Variants in SSBP2 observed in about 807,000 individuals in gnomAD.
The protein encoded by SSBP2 is single-stranded DNA-binding protein 2.
In SSBP2, 17 loss-of-function variants were observed where a neutral mutation model predicts 61.8. That is an observed-to-expected ratio of 0.28 (90% CI 0.19 to 0.41). The LOEUF is 0.41. Among genes scored for constraint, SSBP2 ranks in the 10% least tolerant of loss-of-function variants. The pLI, the probability that SSBP2 is intolerant of heterozygous loss-of-function variation, is 1.00. For missense variants in SSBP2, 310 were observed against 458.7 expected (o/e 0.68, Z 2.96); for synonymous variants, 139 against 141.3 (o/e 0.98, Z 0.12).
intron 1 of SSBP2, among the ~76,000 whole-genome samples, chr5:81,718,075 A>AT (rs34785911): frequency 0.045 from 6,803 of 152,178 alleles, 201 homozygotes; most frequent in East Asian, 0.12. Context: ...TATTTATAAG[A>AT]TTTTTTCTTC....
chr5:81,654,824 TC>T (rs1276008421), intron 1 of SSBP2, among the ~76,000 whole-genome samples: 1 of 151,872 alleles, frequency 6.6e-6, no homozygotes, highest in Admixed American at 6.6e-5. Context: ...TAACGTGAGA[TC>T]ACCAAACAGA....
chr5:81,729,644 G>A (rs886177016), intron 1 of SSBP2, among the ~76,000 whole-genome samples: 1 of 152,000 alleles, frequency 6.6e-6, no homozygotes, highest in Non-Finnish European at 1.5e-5. Flanking sequence ...ATGAGTATTA[G>A]GTTGTGATTC....
chr5:81,500,769 T>C (rs1767647244), intron 5 of SSBP2, among the ~76,000 whole-genome samples: 1 of 152,092 alleles, frequency 6.6e-6, no homozygotes, highest in Non-Finnish European at 1.5e-5. Flanking sequence ...CAGATTTTCA[T>C]ATTTTATAGA....
chr5:81,437,347 C>A (rs1373191920), intron 15 of SSBP2, 83 bp downstream of exon 15: 16 of 1,340,316 alleles, frequency 1.2e-5, no homozygotes, highest in Non-Finnish European at 1.5e-5. Context: ...GAACAAAATT[C>A]GTAAATTTAC....
intron 10 of SSBP2, among the ~76,000 whole-genome samples, chr5:81,449,908 T>G (rs1763657079): frequency 6.6e-6 from 1 of 152,202 alleles, no homozygotes; most frequent in South Asian, 2.1e-4. Context: ...GGGATTAGAA[T>G]TAATTCTGCT....
At chr5:81,721,265 C>G (rs1018011091) in intron 1 of SSBP2, among the ~76,000 whole-genome samples, 1 of 152,088 alleles carries the variant, frequency 6.6e-6, no homozygotes. Context: ...CCTTCTAGAT[C>G]AGGCTTGAGA....
chr5:81,629,221 G>A (rs563522775), intron 3 of SSBP2, among the ~76,000 whole-genome samples: 2 of 152,250 alleles, frequency 1.3e-5, no homozygotes, highest in South Asian at 2.1e-4. Context: ...CTGACCTCAG[G>A]TGATCCACCC....
chr5:81,466,474 T>C (rs1764898237), intron 9 of SSBP2, among the ~76,000 whole-genome samples: 1 of 152,030 alleles, frequency 6.6e-6, no homozygotes, highest in South Asian at 2.1e-4. Context: ...ATTCTTCCTG[T>C]GTTGACAGTA....
intron 4 of SSBP2, among the ~76,000 whole-genome samples, chr5:81,514,532 C>T (rs145122925): frequency 6.6e-5 from 10 of 152,112 alleles, no homozygotes; most frequent in Middle Eastern, 3.4e-3. Context: ...TTTCATCCCT[C>T]AACCTGATTA....
chr5:81,720,197 A>G (rs1282047251), intron 1 of SSBP2, among the ~76,000 whole-genome samples: 2 of 152,198 alleles, frequency 1.3e-5, no homozygotes, highest in South Asian at 4.1e-4. Flanking sequence ...GGTAACATCA[A>G]CCATTCTCAG....
chr5:81,584,978 A>G (rs1435357931), intron 4 of SSBP2, among the ~76,000 whole-genome samples: 1 of 152,134 alleles, frequency 6.6e-6, no homozygotes, highest in East Asian at 1.9e-4. Context: ...AAGATAAAGA[A>G]ATAATAAAAG....
chr5:81,541,335 C>T (rs530450897), intron 4 of SSBP2, among the ~76,000 whole-genome samples: 4 of 152,132 alleles, frequency 2.6e-5, no homozygotes, highest in African/African-American at 7.2e-5. Context: ...ATTAAAATGG[C>T]GATACTGCCT....
At chr5:81,605,840 C>T (rs919569005) in intron 4 of SSBP2, among the ~76,000 whole-genome samples, 1 of 152,114 alleles carries the variant, frequency 6.6e-6, no homozygotes. Flanking sequence ...GATGGGAGAG[C>T]TTTCAGAGGC....
intron 4 of SSBP2, among the ~76,000 whole-genome samples, chr5:81,545,162 A>G (rs1771633928): frequency 6.6e-6 from 1 of 152,242 alleles, no homozygotes. Flanking sequence ...TTTTTTTAGT[A>G]TAAGTATGCC....
At chr5:81,520,594 G>A (rs1373674471) in intron 4 of SSBP2, among the ~76,000 whole-genome samples, 1 of 152,000 alleles carries the variant, frequency 6.6e-6, no homozygotes, top group African/African-American at 2.4e-5. Context: ...TTGTGGCCAG[G>A]TAAGATGTAT....
chr5:81,502,552 T>G (rs185659288), intron 5 of SSBP2, among the ~76,000 whole-genome samples: 13 of 152,274 alleles, frequency 8.5e-5, no homozygotes, highest in African/African-American at 2.6e-4. Context: ...GCCTCAAACA[T>G]AAAAGTCCAG....
chr5:81,648,038 T>C (rs1037139493), intron 2 of SSBP2, among the ~76,000 whole-genome samples: 8 of 152,100 alleles, frequency 5.3e-5, no homozygotes, highest in Non-Finnish European at 1.2e-4. Flanking sequence ...ATTAAGTGAA[T>C]TGAGCCAATT....
chr5:81,670,911 T>G (rs1320470569), intron 1 of SSBP2, among the ~76,000 whole-genome samples: 1 of 152,234 alleles, frequency 6.6e-6, no homozygotes, highest in Middle Eastern at 3.2e-3. Flanking sequence ...CAGTCATATT[T>G]AAGTATGCAC....
chr5:81,591,953 G>T (rs1213796368), intron 4 of SSBP2, among the ~76,000 whole-genome samples: 2 of 152,210 alleles, frequency 1.3e-5, no homozygotes, highest in African/African-American at 4.8e-5. Context: ...TGAGGTACCG[G>T]GTTCATCTCA....
Sources: gnomAD v4.1 joint callset for allele counts (sites outside exome capture counted in the v4.1 genomes callset) on GRCh38, gnomAD v4.1.1 for gene constraint, MANE v1.5 for transcripts, NCBI Gene and HGNC (gene_info 2026-07-23, HGNC 2026-07-21) for gene names.